Variants in ATF1 observed in about 807,000 individuals in gnomAD.
ATF1 encodes the protein cyclic AMP-dependent transcription factor ATF-1.
ATF1 carries 16 observed loss-of-function variants against 34.7 expected under a neutral mutation model. That is an observed-to-expected ratio of 0.46 (90% CI 0.31 to 0.70). The LOEUF (loss-of-function observed/expected upper bound fraction) is 0.70. ATF1 is among the 30% of genes least tolerant of loss of function. The probability of loss-of-function intolerance (pLI) is 0.05; values close to 1 mark genes in which losing one functional copy is unlikely to be tolerated. For missense variants in ATF1, 255 were observed against 321.6 expected (o/e 0.79, Z 1.58); for synonymous variants, 105 against 113.1 (o/e 0.93, Z 0.46).
At chr12:50,818,944 G>C (rs1941895906) in intron 6 of ATF1, among the ~76,000 whole-genome samples, 1 of 152,200 alleles carries the variant, frequency 6.6e-6, no homozygotes, top group Admixed American at 6.5e-5. Context: ...ACTTACATAT[G>C]ACTTCACAGA....
At chr12:50,780,768 C>T (rs778247609) in intron 2 of ATF1, among the ~76,000 whole-genome samples, 1 of 152,012 alleles carries the variant, frequency 6.6e-6, no homozygotes, top group Admixed American at 6.6e-5. Flanking sequence ...CAAGACTAGC[C>T]TGACCAACAT....
At chr12:50,817,711 A>G (rs541127764) in intron 6 of ATF1, among the ~76,000 whole-genome samples, 1 of 152,294 alleles carries the variant, frequency 6.6e-6, no homozygotes, top group East Asian at 1.9e-4. Flanking sequence ...AATATTTGCA[A>G]CTTTTATATA....
intron 2 of ATF1, among the ~76,000 whole-genome samples, chr12:50,783,502 G>C (rs1261550057): frequency 5.9e-5 from 9 of 152,148 alleles, no homozygotes; most frequent in Non-Finnish European, 4.4e-5. Flanking sequence ...AATTTCCTCA[G>C]AAGCATATTT....
At chr12:50,813,207 C>T (rs1941773130) in intron 4 of ATF1, among the ~76,000 whole-genome samples, 1 of 152,162 alleles carries the variant, frequency 6.6e-6, no homozygotes, top group African/African-American at 2.4e-5. Context: ...GTATTTTCTA[C>T]ACAGTGGCTT....
intron 1 of ATF1, among the ~76,000 whole-genome samples, chr12:50,775,111 T>G (rs1940884488): frequency 6.6e-6 from 1 of 151,938 alleles, no homozygotes; most frequent in Non-Finnish European, 1.5e-5. Flanking sequence ...CTTTTGTTTT[T>G]TTTTTTTAAT....
chr12:50,802,167 G>A lies in ATF1; in HGVS notation c.194+6158G>A, dbSNP rs182441183. ...CTATTTACAATAACAAAGTATAAAAGGTTTAAAATTAAATTTATAAATTTA... is the reference window on the plus strand; with the variant it reads ...CTATTTACAATAACAAAGTATAAAAAGTTTAAAATTAAATTTATAAATTTA... On this transcript the variant is annotated intron_variant, in intron 3 of 6. Transcript: ENST00000262053. Among the ~76,000 whole-genome samples the A allele has an allele frequency of 3.6e-3, 547 of 152,188 alleles. 3 individuals carry two copies. Among genetic ancestry groups the A allele is most frequent in the African/African-American group, 0.013 (531 of 41,522 alleles).
In ATF1 at chr12:50,820,286, T is replaced by G. The variant is rs926337253; in HGVS notation, c.*507T>G. ...ATATGTTCTGATTATGTATACTTGT[T>G]CTAGTGTCAAGTCTTTTTAAGTGGG... On this transcript the variant is annotated 3_prime_UTR_variant, in exon 7 of 7. Coordinates refer to ENST00000262053, the MANE Select transcript of ATF1 (RefSeq NM_005171.5). 1.6e-5 allele frequency: 3 copies of G among 191,470 alleles called. No homozygotes were observed. The highest frequency in any genetic ancestry group is 1.2e-4 in the Admixed American group (2 of 16,290). 11.9% of individuals were successfully genotyped at this position (191,470 alleles called of 1,614,324 possible). A position where few individuals can be genotyped will look rare whatever the true frequency, so the allele number is the denominator to read the frequency against.
chr12:50,774,929 A>C (rs1381272284), intron 1 of ATF1, among the ~76,000 whole-genome samples: 1 of 151,612 alleles, frequency 6.6e-6, no homozygotes, highest in Non-Finnish European at 1.5e-5. Flanking sequence ...TTGTATTTTT[A>C]GTAGAGACGG....
Position 50,781,536 on chromosome 12 carries a change from C to T in ATF1, c.93+1298C>T, listed in dbSNP as rs193296806. 5.3e-5 allele frequency among the ~76,000 whole-genome samples: 8 copies of T among 152,082 alleles called. No homozygotes were observed. The East Asian group carries it at 7.7e-4, about 15-fold the overall frequency. Reference sequence around the variant, plus strand: ...TACGATCTCGGGTCACTACAACCTCCGCCTCCCGGGTTCAAACGATTCTCC... The same window carrying T: ...TACGATCTCGGGTCACTACAACCTCTGCCTCCCGGGTTCAAACGATTCTCC... On this transcript the variant is annotated intron_variant, in intron 2 of 6. Coordinates refer to ENST00000262053, the MANE Select transcript of ATF1 (RefSeq NM_005171.5).
chr12:50,807,028 G>GA (rs1267761753), intron 3 of ATF1, among the ~76,000 whole-genome samples: 1 of 152,174 alleles, frequency 6.6e-6, no homozygotes. Flanking sequence ...AAGAACACGT[G>GA]AAAAAACTGA....
intron 3 of ATF1, among the ~76,000 whole-genome samples, chr12:50,802,041 G>A (rs1241511448): frequency 6.6e-6 from 1 of 152,108 alleles, no homozygotes; most frequent in African/African-American, 2.4e-5. Flanking sequence ...TAATCAACAA[G>A]TTCCAGCAAG....
At chr12:50,781,271 A>G (rs1941054772) in intron 2 of ATF1, among the ~76,000 whole-genome samples, 1 of 152,134 alleles carries the variant, frequency 6.6e-6, no homozygotes. Context: ...ATACTATGTA[A>G]ATGCTATGTG....
intron 1 of ATF1, among the ~76,000 whole-genome samples, chr12:50,774,731 G>T (rs1418284599): frequency 6.6e-6 from 1 of 151,122 alleles, no homozygotes; most frequent in Non-Finnish European, 1.5e-5. Flanking sequence ...TTGGAAAAAA[G>T]AGTTTTTTGT....
At chr12:50,767,494 TG>T (rs2139632287) in intron 1 of ATF1, among the ~76,000 whole-genome samples, 1 of 152,238 alleles carries the variant, frequency 6.6e-6, no homozygotes, top group South Asian at 2.1e-4. Context: ...CACTCCAGCC[TG>T]GCAACAGAGC....
intron 2 of ATF1, among the ~76,000 whole-genome samples, chr12:50,793,754 TA>T (rs1342724129): frequency 1.3e-5 from 2 of 151,984 alleles, no homozygotes; most frequent in Non-Finnish European, 2.9e-5. Context: ...TATAATGATA[TA>T]GATTTAATAT....
intron 1 of ATF1, among the ~76,000 whole-genome samples, chr12:50,775,051 T>G (rs1940880343): frequency 6.6e-6 from 1 of 151,934 alleles, no homozygotes; most frequent in South Asian, 2.1e-4. Context: ...GCCAAGAGCT[T>G]TATTTGATAT....
At chr12:50,765,692 A>G (rs187800326) in intron 1 of ATF1, among the ~76,000 whole-genome samples, 3 of 152,302 alleles carry the variant, frequency 2.0e-5, no homozygotes, top group Admixed American at 6.5e-5. Context: ...AATACAGGTC[A>G]TGAAGACCTT....
chr12:50,811,508 G>T (rs1030057089), intron 4 of ATF1, among the ~76,000 whole-genome samples: 1 of 151,602 alleles, frequency 6.6e-6, no homozygotes, highest in Non-Finnish European at 1.5e-5. Flanking sequence ...TGGGGGCCAG[G>T]CACTGTAGTT....
chr12:50,774,445 C>T (rs562601891), intron 1 of ATF1, among the ~76,000 whole-genome samples: 32 of 152,230 alleles, frequency 2.1e-4, no homozygotes, highest in Non-Finnish European at 4.1e-4. Context: ...GCTTTTGAAG[C>T]GGTGTTTCAC....
Sources: allele counts gnomAD v4.1 joint callset (sites outside exome capture counted in the v4.1 genomes callset), GRCh38; gene constraint gnomAD v4.1.1; transcripts MANE v1.5; gene names NCBI Gene and HGNC (gene_info 2026-07-23, HGNC 2026-07-21).